The following NUTM2E variants were observed in gnomAD, a reference collection of about 807,000 sequenced individuals.
NUTM2E encodes family with sequence similarity 22, member E.
Under a neutral mutation model 26.1 loss-of-function variants are expected in NUTM2E, and 3 were observed. The observed-to-expected ratio is 0.12, with a 90% CI of 0.05 to 0.30. NUTM2E has a LOEUF of 0.30. Among genes scored for constraint, NUTM2E ranks in the 10% least tolerant of loss-of-function variants. The probability of loss-of-function intolerance (pLI) is 1.00; values close to 1 mark genes in which losing one functional copy is unlikely to be tolerated. For missense variants in NUTM2E, 62 were observed against 381.3 expected, an observed-to-expected ratio of 0.16 and a Z score of 6.97; for synonymous variants, 13 against 157.5, an observed-to-expected ratio of 0.08 and a Z score of 6.87.
chr10:79,839,042 G>A lies in NUTM2E; in HGVS notation c.-2187G>A, dbSNP rs563318950. On this transcript the variant is annotated 5_prime_UTR_variant, in exon 3 of 10. Transcript: ENST00000429984. Reference sequence around the variant, plus strand: ...TGGGTGCTTCCTGGGGCCAGACAACGCCCCCTCATTGGAACCTCCATGACC... The same window carrying A: ...TGGGTGCTTCCTGGGGCCAGACAACACCCCCTCATTGGAACCTCCATGACC... 4.0e-4 allele frequency among the ~76,000 whole-genome samples: 60 copies of A among 150,544 alleles called. 1 individual carries two copies. The highest frequency in any genetic ancestry group is 1.2e-3 in the African/African-American group (48 of 41,018).
chr10:79,830,154 C>G (rs1022583011), intron 1 of NUTM2E, among the ~76,000 whole-genome samples: 1 of 151,342 alleles, frequency 6.6e-6, no homozygotes, highest in Non-Finnish European at 1.5e-5. Context: ...TCTGAATAAT[C>G]ATAAATTTTC....
intron 1 of NUTM2E, among the ~76,000 whole-genome samples, chr10:79,828,136 A>G (rs1187092583): frequency 1.3e-5 from 2 of 151,458 alleles, no homozygotes; most frequent in African/African-American, 4.8e-5. Context: ...TGCTTTCAGA[A>G]TGAGGCAACT....
chr10:79,834,971 TAATC>T (rs900503996), intron 1 of NUTM2E, among the ~76,000 whole-genome samples: 3 of 151,820 alleles, frequency 2.0e-5, no homozygotes, highest in Non-Finnish European at 4.4e-5. Context: ...ATCTGTCTCT[TAATC>T]CATCCATTCA....
intron 1 of NUTM2E, among the ~76,000 whole-genome samples, chr10:79,829,894 G>C (rs1050175202): frequency 2.5e-4 from 38 of 151,416 alleles, no homozygotes; most frequent in Non-Finnish European, 4.7e-4. Context: ...TTACTTGTTG[G>C]AGATGGAGTT....
chr10:79,849,546 C>G lies in NUTM2E; in HGVS notation c.1851+59C>G. On this transcript the variant is annotated intron_variant, in intron 9 of 9. Transcript: ENST00000429984. ...GGCCCACCTGATTGTCTAATCCCCCCCGCTGGGGATGCTCGGCTTCTTGGG... is the reference window on the plus strand; with the variant it reads ...GGCCCACCTGATTGTCTAATCCCCCGCGCTGGGGATGCTCGGCTTCTTGGG... 5.6e-6 allele frequency: 2 copies of G among 359,154 alleles called. 1 individual carries two copies. Among genetic ancestry groups the G allele is most frequent in the South Asian group, 4.7e-5 (2 of 42,658 alleles). The allele number at this position is 359,154 out of a possible 1,614,324, so 22.2% of individuals were successfully genotyped here.
chr10:79,829,196 G>A (rs1841910879), intron 1 of NUTM2E, among the ~76,000 whole-genome samples: 2 of 151,688 alleles, frequency 1.3e-5, no homozygotes, highest in South Asian at 2.1e-4. Flanking sequence ...CTAGGTCTTC[G>A]TTGTGGGACA....
At chr10:79,834,591 C>G (rs1738163982) in intron 1 of NUTM2E, among the ~76,000 whole-genome samples, 2 of 150,140 alleles carry the variant, frequency 1.3e-5, no homozygotes, top group South Asian at 2.1e-4. Context: ...TCGCTTGAAC[C>G]CGGGAGACAG....
chr10:79,849,006 G>A (rs1237793112), intron 8 of NUTM2E, 111 bp downstream of exon 8: 6 of 835,340 alleles, frequency 7.2e-6, no homozygotes, highest in Non-Finnish European at 1.1e-5. Flanking sequence ...TATTTCCATG[G>A]ATTTGAGTGT....
intron 1 of NUTM2E, among the ~76,000 whole-genome samples, chr10:79,836,998 A>T (rs1366259596): frequency 6.6e-6 from 1 of 151,698 alleles, no homozygotes; most frequent in South Asian, 2.1e-4. Flanking sequence ...TAGAAGGAAG[A>T]GAAAAAAAAA....
chr10:79,839,271 T>C (rs1409972838), intron 3 of NUTM2E, among the ~76,000 whole-genome samples, 156 bp downstream of exon 3: 3 of 150,464 alleles, frequency 2.0e-5, no homozygotes, highest in Admixed American at 6.7e-5. Context: ...TTTCAAAAAA[T>C]AGTATGCCCT....
intron 1 of NUTM2E, among the ~76,000 whole-genome samples, chr10:79,836,774 T>C (rs1161536320): frequency 6.6e-6 from 1 of 151,998 alleles, no homozygotes; most frequent in East Asian, 1.9e-4. Context: ...TTTATAGCTG[T>C]TTTTTAAAAA....
chr10:79,834,694 A>G (rs1458567271), intron 1 of NUTM2E, among the ~76,000 whole-genome samples: 2 of 149,948 alleles, frequency 1.3e-5, no homozygotes, highest in East Asian at 3.9e-4. Flanking sequence ...AAAATAAAAT[A>G]CAATAAAAAA....
At chr10:79,835,390 G>A (rs1021366106) in intron 1 of NUTM2E, among the ~76,000 whole-genome samples, 6 of 146,362 alleles carry the variant, frequency 4.1e-5, no homozygotes, top group African/African-American at 1.5e-4. Flanking sequence ...CGTGGATTAG[G>A]AATCTGAAAT....
chr10:79,829,750 GT>G (rs1347046403), intron 1 of NUTM2E, among the ~76,000 whole-genome samples: 1 of 151,662 alleles, frequency 6.6e-6, no homozygotes, highest in African/African-American at 2.4e-5. Context: ...CTCAGCAAGT[GT>G]TTTGAATGGA....
chr10:79,834,260 T>G (rs151239474), intron 1 of NUTM2E, among the ~76,000 whole-genome samples: 3,264 of 151,682 alleles, frequency 0.022, 143 homozygotes, highest in African/African-American at 0.075. Flanking sequence ...GTAATGCAGA[T>G]GACAGGTTGA....
chr10:79,836,076 A>G (rs1841961001), intron 1 of NUTM2E, among the ~76,000 whole-genome samples: 1 of 151,482 alleles, frequency 6.6e-6, no homozygotes, highest in Non-Finnish European at 1.5e-5. Context: ...ACCAACTTTT[A>G]GACTTCTGTT....
At chr10:79,827,628 T>G (rs948461074) in intron 1 of NUTM2E, 2 of 150,942 alleles carry the variant, frequency 1.3e-5, no homozygotes, top group Admixed American at 1.3e-4. Flanking sequence ...TGAGTCCTTA[T>G]GTGTTGACGG....
At position 79,839,114 on chromosome 10, in the gene NUTM2E, C is replaced by T. The variant is rs1353635871; in HGVS notation, c.-2115C>T. On this transcript the variant is annotated splice_region_variant and 5_prime_UTR_variant, in exon 3 of 10. Transcript: ENST00000429984. ...GTCCGCAACGATCACTCCTAATTTTCGGTAATACAAACCTGCAGTCCATGC... is the reference window on the plus strand; with the variant it reads ...GTCCGCAACGATCACTCCTAATTTTTGGTAATACAAACCTGCAGTCCATGC... Among the ~76,000 whole-genome samples the T allele has an allele frequency of 2.0e-5, 3 of 151,556 alleles. No individual in the cohort carries two copies. The highest frequency in any genetic ancestry group is 6.6e-5 in the Admixed American group (1 of 15,190).
intron 1 of NUTM2E, among the ~76,000 whole-genome samples, chr10:79,832,460 G>C (rs1448874929): frequency 6.6e-6 from 1 of 151,670 alleles, no homozygotes; most frequent in Admixed American, 6.6e-5. Flanking sequence ...TAATCAGTGG[G>C]TATTTCAGTA....
Sources: allele counts gnomAD v4.1 joint callset (sites outside exome capture counted in the v4.1 genomes callset), GRCh38; gene constraint gnomAD v4.1.1; transcripts MANE v1.5; gene names NCBI Gene and HGNC (gene_info 2026-07-23, HGNC 2026-07-21).